Variants in SF3B1 observed in about 807,000 individuals in gnomAD.
SF3B1 encodes the protein pre-mRNA processing 10.
Under a neutral mutation model 153.8 loss-of-function variants are expected in SF3B1, and 12 were observed. That is an observed-to-expected ratio of 0.08 (90% CI 0.05 to 0.13). SF3B1 has a LOEUF of 0.13. SF3B1 is among the 10% of genes least tolerant of loss of function. The pLI, the probability that SF3B1 is intolerant of heterozygous loss-of-function variation, is 1.00. For missense variants in SF3B1, 513 were observed against 1,606.1 expected, an observed-to-expected ratio of 0.32 and a Z score of 11.63; for synonymous variants, 498 against 525.2, an observed-to-expected ratio of 0.95 and a Z score of 0.71.
intron 1 of SF3B1, among the ~76,000 whole-genome samples, chr2:197,428,773 T>C (rs1458299660): frequency 1.3e-5 from 2 of 152,100 alleles, no homozygotes; most frequent in East Asian, 3.9e-4. Flanking sequence ...GGCACGCCTG[T>C]AATCCCAGCT....
rs1185856533 is a variant in SF3B1, at chr2:197,400,004, AAAAG to A, written c.3013+47_3013+50del. 1.6e-5 allele frequency: 21 copies of A among 1,283,202 alleles called. No homozygotes were observed. Among genetic ancestry groups the A allele is most frequent in the African/African-American group, 3.0e-5 (2 of 66,228 alleles). The allele number at this position is 1,283,202 out of a possible 1,614,324, so 79.5% of individuals were successfully genotyped here. A position where few individuals can be genotyped will look rare whatever the true frequency, so the allele number is the denominator to read the frequency against. ...GATTTTACTTACGAAAAAAAAAAGA[AAAAG>A]AAAGTTAAAACAAGAAAAAGTCTTA... On this transcript the variant is annotated intron_variant, in intron 20 of 24. Coordinates refer to ENST00000335508, the MANE Select transcript of SF3B1 (RefSeq NM_012433.4). The surrounding 1 kb of genome is among the most constrained non-coding windows in gnomAD (Gnocchi z 5.0).
intron 24 of SF3B1, among the ~76,000 whole-genome samples, chr2:197,392,672 T>C (rs1473703175): frequency 6.7e-6 from 1 of 148,560 alleles, no homozygotes; most frequent in Admixed American, 6.8e-5. Flanking sequence ...TATGGCACAA[T>C]ATACCCTAAT....
At chr2:197,417,116 A>C (rs1365491072) in intron 5 of SF3B1, among the ~76,000 whole-genome samples, 1 of 152,194 alleles carries the variant, frequency 6.6e-6, no homozygotes, top group African/African-American at 2.4e-5. Flanking sequence ...ACAAAAGATA[A>C]GCAAGTTCAG....
intron 7 of SF3B1, among the ~76,000 whole-genome samples, chr2:197,409,102 T>G (rs2085031039): frequency 6.6e-6 from 1 of 151,752 alleles, no homozygotes. Context: ...TACAAAAAAT[T>G]TAAAAATTAG....
At position 197,409,767 on chromosome 2, in the gene SF3B1, T is replaced by C. The variant is rs2085041774; in HGVS notation, c.904+3A>G. On this transcript the variant is annotated splice_donor_region_variant and intron_variant, in intron 7 of 24. Coordinates refer to ENST00000335508, the MANE Select transcript of SF3B1 (RefSeq NM_012433.4). The stretch of plus-strand genomic sequence containing the variant: ...CCACACACCCATACTCCACTAGAAG[T>C]ACCTCTCTCTGTTTTGGGGGTTTCA... The C allele has an allele frequency of 6.2e-7, 1 of 1,606,318 alleles. No homozygotes were observed. The highest frequency in any genetic ancestry group is 1.3e-5 in the African/African-American group (1 of 74,880).
Position 197,402,636 on chromosome 2 carries a change from T to A in SF3B1, c.1997A>T (p.Lys666Met), listed in dbSNP as rs374250186. Residue 666 changes from lysine (K) to methionine (M), a missense_variant, in exon 14 of 25, where the codon AAG becomes ATG. By Grantham distance (95) the Lys-to-Met change is moderately conservative. This residue lies in a region of SF3B1 where 13 missense variants were observed against 16.1 expected (regional missense o/e 0.81). Coordinates refer to ENST00000335508, the MANE Select transcript of SF3B1 (RefSeq NM_012433.4). The surrounding 1 kb of genome is among the most constrained non-coding windows in gnomAD (Gnocchi z 4.6). ...KSWQARHTGI[K>M]IVQQIAILMG... Reference sequence around the variant, plus strand: ...AAGAATAGCTATCTGTTGTACAATCTTAATACCAGTGTGTCTCGCTTGCCA... The same window carrying A: ...AAGAATAGCTATCTGTTGTACAATCATAATACCAGTGTGTCTCGCTTGCCA... The A allele has an allele frequency of 3.1e-6, 5 of 1,613,958 alleles. No individual in the cohort carries two copies. Among genetic ancestry groups the A allele is most frequent in the African/African-American group, 1.3e-5 (1 of 74,936 alleles).
intron 2 of SF3B1, among the ~76,000 whole-genome samples, chr2:197,423,376 A>T (rs1413537616): frequency 1.3e-5 from 2 of 152,010 alleles, no homozygotes; most frequent in Non-Finnish European, 2.9e-5. Flanking sequence ...TCTCAAAAAA[A>T]AAAAAAAAAA....
At chr2:197,418,991 A>T in intron 4 of SF3B1, 1 of 1,474,138 alleles carries the variant, frequency 6.8e-7, no homozygotes, top group Non-Finnish European at 9.3e-7. Context: ...CACTTTGGAA[A>T]GATATTTATA....
chr2:197,408,224 A>G (rs985354940), intron 8 of SF3B1, 105 bp from the exon 9 acceptor site: 2 of 1,307,466 alleles, frequency 1.5e-6, no homozygotes, highest in Non-Finnish European at 2.1e-6. Context: ...TTGCTTTTAT[A>G]TTATAAACGC....
At chr2:197,408,207 C>G in intron 8 of SF3B1, 88 bp from the exon 9 acceptor site, 1 of 1,323,422 alleles carries the variant, frequency 7.6e-7, no homozygotes, top group Non-Finnish European at 1.0e-6. Flanking sequence ...AAGATCAATC[C>G]TATTATTTGC....
chr2:197,421,834 A>T (rs1239960608), intron 2 of SF3B1, among the ~76,000 whole-genome samples: 1 of 152,114 alleles, frequency 6.6e-6, no homozygotes, highest in Non-Finnish European at 1.5e-5. Flanking sequence ...TACAAAAATT[A>T]GCCAGGCGTG....
chr2:197,418,407 T>C, intron 5 of SF3B1, 102 bp downstream of exon 5: 1 of 784,902 alleles, frequency 1.3e-6, no homozygotes, highest in Non-Finnish European at 2.0e-6. Flanking sequence ...TTAATACTAT[T>C]ATTTGTGCAG....
Position 197,401,597 on chromosome 2 carries a change from T to C in SF3B1, c.2371-72A>G. The C allele has an allele frequency of 6.6e-7, 1 of 1,507,186 alleles. No homozygotes were observed. The highest frequency in any genetic ancestry group is 9.1e-7 in the Non-Finnish European group (1 of 1,103,698). The allele number at this position is 1,507,186 out of a possible 1,614,324, so 93.4% of individuals were successfully genotyped here. A position where few individuals can be genotyped will look rare whatever the true frequency, so the allele number is the denominator to read the frequency against. ...AAGAGAATACTCATTGCTGATTACG[T>C]GATTTTAAAAAATAAAATTTAAAAA... is the stretch of plus-strand genomic sequence containing the variant. On this transcript the variant is annotated intron_variant, in intron 16 of 24. Coordinates refer to ENST00000335508, the MANE Select transcript of SF3B1 (RefSeq NM_012433.4). The surrounding 1 kb of genome is among the most constrained non-coding windows in gnomAD (Gnocchi z 4.2).
At position 197,431,130 on chromosome 2, in the gene SF3B1, T is replaced by C. The variant is rs1205987220; in HGVS notation, c.28+3842A>G. On this transcript the variant is annotated intron_variant, in intron 1 of 24. Transcript: ENST00000335508. ...TTTTTTTTTTTTTTTTTTTTTTTTT[T>C]GAGACAGAGTTTCACTCAGTCGCCC... Among the ~76,000 whole-genome samples the C allele has an allele frequency of 1.5e-4, 14 of 91,448 alleles. No individual in the cohort carries two copies. The South Asian group carries it at 3.8e-3, about 25-fold the overall frequency. The allele number at this position is 91,448 out of a possible 152,430, so 60.0% of individuals were successfully genotyped here.
chr2:197,409,507 A>G (rs938059587), intron 7 of SF3B1, among the ~76,000 whole-genome samples: 1 of 152,184 alleles, frequency 6.6e-6, no homozygotes, highest in Non-Finnish European at 1.5e-5. Flanking sequence ...GGCTACAGTG[A>G]GCAAGACCCT....
chr2:197,422,302 T>G lies in SF3B1; in HGVS notation c.196-1169A>C, dbSNP rs757985756. Among the ~76,000 whole-genome samples the G allele has an allele frequency of 7.7e-4, 116 of 151,026 alleles. 2 individuals are homozygous for G. The highest frequency in any genetic ancestry group is 2.5e-3 in the South Asian group (12 of 4,788). ...ACTATAAAATGTGACTTGAATTTCT[T>G]AAAAATAACCAGTTGGCACCGCATG... On this transcript the variant is annotated intron_variant, in intron 2 of 24. Coordinates refer to ENST00000335508, the MANE Select transcript of SF3B1 (RefSeq NM_012433.4).
chr2:197,392,304 T>C lies in SF3B1; in HGVS notation c.3914A>G (p.Ter1305=). Residue 1305 remains the stop codon, a stop_retained_variant, in exon 25 of 25, where the codon TAA becomes TGA. Transcript: ENST00000335508. ...YIRYELDYIL[*] ...TTAAACACAAAATAAACAATAAAAT[T>C]ATAAGATATAGTCAAGTTCATAACG... The C allele has an allele frequency of 9.1e-7, 1 of 1,100,486 alleles. No individual in the cohort carries two copies. Among genetic ancestry groups the C allele is most frequent in the Non-Finnish European group, 1.4e-6 (1 of 725,284 alleles). 68.2% of individuals were successfully genotyped at this position (1,100,486 alleles called of 1,614,324 possible).
intron 4 of SF3B1, chr2:197,419,681 G>A: frequency 4.5e-6 from 1 of 223,760 alleles, no homozygotes; most frequent in Non-Finnish European, 8.9e-6. Context: ...GTATGGGCCT[G>A]TGAATTCTGG....
rs1416970550 is a variant in SF3B1 at position 197,400,068 on chromosome 2, A to G, written c.3000T>C (p.Ile1000=). 9 of 1,607,128 alleles carry G rather than the reference A, an allele frequency of 5.6e-6. No homozygotes were observed. Among genetic ancestry groups the G allele is most frequent in the Non-Finnish European group, 7.7e-6 (9 of 1,173,946 alleles). ...LGSILGALKA[I]VNVIGMHKMT... is the part of the protein sequence containing the mutation. ...CAAATTCCATACCTATGACATTTAC[A>G]ATGGCCTTCAGTGCTCCAAGAATGC... is the stretch of plus-strand genomic sequence containing the variant. Residue 1000 remains isoleucine, a synonymous_variant, in exon 20 of 25, where the codon ATT becomes ATC. Transcript: ENST00000335508. The surrounding 1 kb of genome is among the most constrained non-coding windows in gnomAD (Gnocchi z 5.0).
Sources: allele counts gnomAD v4.1 joint callset (sites outside exome capture counted in the v4.1 genomes callset), GRCh38; gene constraint gnomAD v4.1.1; regional missense constraint gnomAD v4.1.1; non-coding constraint Gnocchi (gnomAD v3.1); transcripts MANE v1.5; gene names NCBI Gene and HGNC (gene_info 2026-07-23, HGNC 2026-07-21).